Variants in ZNF644 observed in about 807,000 individuals in gnomAD.
The protein encoded by ZNF644 is zinc finger protein 644.
In ZNF644, 20 loss-of-function variants were observed where a neutral mutation model predicts 108.0. The observed-to-expected ratio is 0.19, with a 90% CI of 0.13 to 0.27. The LOEUF is 0.27. Among genes scored for constraint, ZNF644 ranks in the 10% least tolerant of loss-of-function variants. ZNF644 has a pLI of 1.00. For synonymous variants in ZNF644, 542 were observed against 539.1 expected, an observed-to-expected ratio of 1.01 and a Z score of -0.08; for missense variants, 1,338 against 1,548.9, an observed-to-expected ratio of 0.86 and a Z score of 2.29.
intron 1 of ZNF644, chr1:91,020,486 A>G (rs1553164909): frequency 6.6e-6 from 1 of 152,254 alleles, no homozygotes; most frequent in Non-Finnish European, 1.5e-5. Context: ...TTTAAAAGCA[A>G]TACATACCAC....
intron 1 of ZNF644, among the ~76,000 whole-genome samples, 163 bp from the exon 2 acceptor site, chr1:90,982,533 T>C (rs568311836): frequency 3.6e-4 from 55 of 152,228 alleles, no homozygotes; most frequent in African/African-American, 1.3e-3. Flanking sequence ...CATTTTAATC[T>C]TTAGGAAACT....
Position 90,916,888 on chromosome 1 carries a change from A to T in ZNF644, c.3894T>A (p.Ala1298=). The part of the protein sequence containing the change: ...IVNANLPRTG[A]GMVEVTSLLK... ...GTAGTGACGTGACTTCCACCATGCC[A>T]GCTCCAGTCCGTGGAAGATTAGCGT... is the stretch of plus-strand genomic sequence containing the variant. Residue 1298 remains alanine, a synonymous_variant, in exon 6 of 6, where the codon GCT becomes GCA. Coordinates refer to ENST00000337393, the MANE Select transcript of ZNF644 (RefSeq NM_201269.3). 1.2e-6 allele frequency: 2 copies of T among 1,614,200 alleles called. No homozygotes were observed. Among genetic ancestry groups the T allele is most frequent in the Non-Finnish European group, 1.7e-6 (2 of 1,180,038 alleles).
At chr1:90,968,986 T>A (rs542324992) in intron 2 of ZNF644, among the ~76,000 whole-genome samples, 18 of 152,298 alleles carry the variant, frequency 1.2e-4, no homozygotes, top group African/African-American at 4.1e-4. Context: ...AAGTCATCAT[T>A]TTTGGCAAAT....
intron 2 of ZNF644, among the ~76,000 whole-genome samples, chr1:90,950,275 TCAAGG>T (rs1207860126): frequency 3.2e-4 from 5 of 15,522 alleles, no homozygotes; most frequent in African/African-American, 1.4e-3. Flanking sequence ...AGATTCCATC[TCAAGG>T]GAAGGGAAGG....
intron 1 of ZNF644, among the ~76,000 whole-genome samples, chr1:90,987,246 GTTTTTT>G (rs55996875): frequency 9.9e-5 from 12 of 121,118 alleles, no homozygotes; most frequent in African/African-American, 3.9e-4. Context: ...CCTAGAGTTG[GTTTTTT>G]TTTTTTTTTT....
Position 90,939,825 on chromosome 1 carries a change from G to A in ZNF644, c.1529C>T (p.Thr510Ile), listed in dbSNP as rs751448374. 20 of 1,613,934 alleles carry A rather than the reference G, an allele frequency of 1.2e-5. No homozygotes were observed. The highest frequency in any genetic ancestry group is 1.6e-5 in the Non-Finnish European group (19 of 1,179,924). Reference protein sequence around the residue: ...QCVFGTNCPKTFVQHAKTHEK... With the variant: ...QCVFGTNCPKIFVQHAKTHEK... ...ATGGGTTTTAGCATGTTGCACAAAT[G>A]TTTTAGGGCAATTGGTACCAAACAC... The change falls in exon 3 of 6, where the codon ACA becomes ATA. Residue 510 changes from threonine (T) to isoleucine (I), a missense_variant. Thr to Ile is a moderately conservative substitution (Grantham distance 89). Around this residue, in one of 6 missense-constraint regions of ZNF644, gnomAD observed 80 missense variants for 183.0 expected, o/e 0.44. Transcript: ENST00000337393.
intron 1 of ZNF644, among the ~76,000 whole-genome samples, chr1:91,016,270 T>C (rs1557668925): frequency 6.8e-6 from 1 of 148,066 alleles, no homozygotes; most frequent in Non-Finnish European, 1.5e-5. Flanking sequence ...AAAGTACTAG[T>C]TTTACAGTCA....
chr1:90,918,247 A>C (rs933527644), intron 4 of ZNF644, 93 bp from the exon 5 acceptor site: 4 of 1,047,102 alleles, frequency 3.8e-6, no homozygotes, highest in East Asian at 5.1e-5. Flanking sequence ...CAGACCATCT[A>C]AATCAGTTAG....
intron 1 of ZNF644, among the ~76,000 whole-genome samples, chr1:90,988,979 A>C (rs944108692): frequency 2.0e-5 from 3 of 152,200 alleles, no homozygotes; most frequent in African/African-American, 7.2e-5. Context: ...TTTAGCTATG[A>C]ATTCTTGAAC....
At chr1:90,990,935 C>A (rs1203561508) in intron 1 of ZNF644, among the ~76,000 whole-genome samples, 1 of 152,080 alleles carries the variant, frequency 6.6e-6, no homozygotes, top group South Asian at 2.1e-4. Flanking sequence ...CAAAGTGGCA[C>A]CAGGAGAACT....
At position 90,926,110 on chromosome 1, in the gene ZNF644, ACT is replaced by A. The variant is rs1444941877; in HGVS notation, c.3689-7958_3689-7957del. Among the ~76,000 whole-genome samples the A allele has an allele frequency of 3.3e-5, 5 of 151,908 alleles. No homozygotes were observed. The South Asian group carries it at 1.0e-3, about 32-fold the overall frequency. ...TTGCCTAACTCAGAAGCCAGACTCC[ACT>A]CTGTTTTTGTGGTTTTGAACTGACC... On this transcript the variant is annotated intron_variant, in intron 4 of 5. Transcript: ENST00000337393.
chr1:90,925,854 G>T (rs930151466), intron 4 of ZNF644, among the ~76,000 whole-genome samples: 1 of 151,992 alleles, frequency 6.6e-6, no homozygotes, highest in African/African-American at 2.4e-5. Context: ...TTGCTTTTGA[G>T]AAATAAAAAT....
At chr1:90,996,375 T>C (rs1375245577) in intron 1 of ZNF644, among the ~76,000 whole-genome samples, 1 of 152,216 alleles carries the variant, frequency 6.6e-6, no homozygotes, top group African/African-American at 2.4e-5. Flanking sequence ...AGCCAAAGGC[T>C]TGGAGCAATC....
chr1:90,936,095 G>A (rs760011964), intron 4 of ZNF644, among the ~76,000 whole-genome samples: 3 of 152,102 alleles, frequency 2.0e-5, no homozygotes, highest in Non-Finnish European at 4.4e-5. Flanking sequence ...CTCTGAATGC[G>A]CAATCAATAA....
chr1:90,953,030 A>G (rs888157802), intron 2 of ZNF644, among the ~76,000 whole-genome samples: 4 of 149,612 alleles, frequency 2.7e-5, no homozygotes, highest in Non-Finnish European at 4.5e-5. Flanking sequence ...AAAAAAAAAA[A>G]GCAGCTCCCG....
chr1:90,919,841 ACTC>A (rs1384142448), intron 4 of ZNF644, among the ~76,000 whole-genome samples: 1 of 152,006 alleles, frequency 6.6e-6, no homozygotes, highest in Non-Finnish European at 1.5e-5. Flanking sequence ...AAAATGTTTT[ACTC>A]CTATTTAATA....
intron 4 of ZNF644, among the ~76,000 whole-genome samples, chr1:90,930,554 CAGTT>C (rs1650616468): frequency 6.6e-6 from 1 of 152,058 alleles, no homozygotes; most frequent in Admixed American, 6.6e-5. Context: ...GAGAAAGAGG[CAGTT>C]AGGGCAGTGT....
intron 2 of ZNF644, among the ~76,000 whole-genome samples, chr1:90,977,540 C>T (rs1433946516): frequency 6.6e-6 from 1 of 152,068 alleles, no homozygotes; most frequent in Non-Finnish European, 1.5e-5. Context: ...TTAAAAAATG[C>T]CCAGTAAAAT....
intron 1 of ZNF644, among the ~76,000 whole-genome samples, chr1:91,004,113 A>G (rs1421190567): frequency 6.6e-6 from 1 of 152,116 alleles, no homozygotes; most frequent in African/African-American, 2.4e-5. Context: ...GAGTTCTACA[A>G]AAGAGGGGAG....
Sources: allele counts gnomAD v4.1 joint callset (sites outside exome capture counted in the v4.1 genomes callset), GRCh38; gene constraint gnomAD v4.1.1; regional missense constraint gnomAD v4.1.1; transcripts MANE v1.5; gene names NCBI Gene and HGNC (gene_info 2026-07-23, HGNC 2026-07-21).